TMEM108: variants seen among roughly 807,000 people sequenced by gnomAD.
TMEM108 encodes the protein transmembrane protein 108, also known as cancer/testis antigen 124.
Under a neutral mutation model 35.1 loss-of-function variants are expected in TMEM108, and 12 were observed. That is an observed-to-expected ratio of 0.34 (90% CI 0.22 to 0.55). TMEM108 has a LOEUF of 0.55. TMEM108 is among the 20% of genes least tolerant of loss of function. The pLI is 0.89. For synonymous variants in TMEM108, 287 were observed against 308.6 expected (o/e 0.93, Z 0.73); for missense variants, 680 against 753.3 (o/e 0.90, Z 1.14).
At chr3:133,184,088 G>A (rs55688467) in intron 2 of TMEM108, among the ~76,000 whole-genome samples, 4,267 of 152,216 alleles carry the variant, frequency 0.028, 83 homozygotes, top group Non-Finnish European at 0.042. Flanking sequence ...CCAGACACCG[G>A]GAGGACTGAG....
intron 3 of TMEM108, among the ~76,000 whole-genome samples, chr3:133,351,731 G>C (rs933780413): frequency 1.3e-5 from 2 of 152,144 alleles, no homozygotes; most frequent in African/African-American, 4.8e-5. Context: ...GAGGCACAAA[G>C]TGATCAAGAT....
At chr3:133,093,453 A>C (rs1943974153) in intron 2 of TMEM108, among the ~76,000 whole-genome samples, 1 of 152,202 alleles carries the variant, frequency 6.6e-6, no homozygotes, top group African/African-American at 2.4e-5. Flanking sequence ...GTGCAAACAG[A>C]AAGTCCAGAG....
intron 2 of TMEM108, among the ~76,000 whole-genome samples, chr3:133,117,933 CAG>C (rs1944307471): frequency 6.6e-6 from 1 of 152,056 alleles, no homozygotes; most frequent in Admixed American, 6.6e-5. Context: ...TGTAGGTGTC[CAG>C]AGAGGCGGGA....
chr3:133,368,469 G>A (rs1262391667), intron 3 of TMEM108, among the ~76,000 whole-genome samples: 1 of 152,114 alleles, frequency 6.6e-6, no homozygotes. Flanking sequence ...TTACCATGGC[G>A]GGAGCAATTG....
At chr3:133,314,061 T>C (rs1427886263) in intron 3 of TMEM108, among the ~76,000 whole-genome samples, 1 of 152,162 alleles carries the variant, frequency 6.6e-6, no homozygotes, top group African/African-American at 2.4e-5. Flanking sequence ...AAAACTTCTC[T>C]GATTTGATTC....
intron 3 of TMEM108, chr3:133,378,585 G>A (rs1403617121): frequency 3.1e-6 from 3 of 977,212 alleles, no homozygotes; most frequent in Admixed American, 6.2e-5. Context: ...AGGACTGTTG[G>A]CCCTTCCTCA....
chr3:133,091,930 CAG>C (rs1414159346), intron 2 of TMEM108, among the ~76,000 whole-genome samples: 1 of 152,168 alleles, frequency 6.6e-6, no homozygotes, highest in Non-Finnish European at 1.5e-5. Flanking sequence ...TTGAGCCTCT[CAG>C]AGAAAACGCA....
At chr3:133,110,513 A>G (rs1331486548) in intron 2 of TMEM108, among the ~76,000 whole-genome samples, 2 of 152,184 alleles carry the variant, frequency 1.3e-5, no homozygotes, top group African/African-American at 4.8e-5. Flanking sequence ...TGACATTTCT[A>G]GTTGGATCAG....
Position 133,040,645 on chromosome 3 carries a change from G to A in TMEM108, c.-166+2210G>A, listed in dbSNP as rs541448556. ...AAACCGCAAAGGGTATGCATTGTTT[G>A]TTTGGCCTGCGGAAGGGAGGCAGGG... On this transcript the variant is annotated intron_variant, in intron 1 of 5. Coordinates refer to ENST00000321871, the MANE Select transcript of TMEM108 (RefSeq NM_023943.4). 7.9e-5 allele frequency among the ~76,000 whole-genome samples: 12 copies of A among 152,314 alleles called. 1 individual carries two copies. The highest frequency in any genetic ancestry group is 2.9e-4 in the African/African-American group (12 of 41,564).
At chr3:133,347,022 C>T (rs2071839776) in intron 3 of TMEM108, among the ~76,000 whole-genome samples, 2 of 152,106 alleles carry the variant, frequency 1.3e-5, no homozygotes, top group African/African-American at 2.4e-5. Flanking sequence ...ATCAGTATTA[C>T]ACTGCCTTCA....
chr3:133,243,756 C>T (rs964315378), intron 3 of TMEM108, among the ~76,000 whole-genome samples: 1 of 101,520 alleles, frequency 9.9e-6, no homozygotes, highest in Admixed American at 1.2e-4. Context: ...ATCTCCTGAC[C>T]TCGTGATCCA....
intron 1 of TMEM108, among the ~76,000 whole-genome samples, chr3:133,044,961 C>CAT (rs1943317621): frequency 7.0e-6 from 1 of 142,828 alleles, no homozygotes; most frequent in Non-Finnish European, 1.5e-5. Flanking sequence ...TGAAGTGCTG[C>CAT]TTTTTTTTTT....
intron 2 of TMEM108, among the ~76,000 whole-genome samples, chr3:133,102,308 A>C (rs1415002430): frequency 3.3e-5 from 5 of 152,282 alleles, no homozygotes; most frequent in South Asian, 4.2e-4. Flanking sequence ...CAGTGAAAGA[A>C]GTTTCTGTTG....
At chr3:133,391,926 C>G (rs1196772646) in intron 5 of TMEM108, among the ~76,000 whole-genome samples, 3 of 152,166 alleles carry the variant, frequency 2.0e-5, no homozygotes, top group African/African-American at 7.2e-5. Context: ...ACCCCTCTCC[C>G]CTACTTGAGT....
chr3:133,260,141 G>T (rs1422984303), intron 3 of TMEM108, among the ~76,000 whole-genome samples: 1 of 152,150 alleles, frequency 6.6e-6, no homozygotes, highest in Non-Finnish European at 1.5e-5. Flanking sequence ...CTGCTCACCT[G>T]TGACTGTTTG....
intron 3 of TMEM108, among the ~76,000 whole-genome samples, chr3:133,352,607 T>A (rs1489650449): frequency 6.6e-6 from 1 of 152,198 alleles, no homozygotes; most frequent in East Asian, 1.9e-4. Context: ...CTTGAACAGC[T>A]TACAGAATTC....
chr3:133,143,519 A>G (rs1324079829), intron 2 of TMEM108, among the ~76,000 whole-genome samples: 3 of 152,288 alleles, frequency 2.0e-5, no homozygotes, highest in South Asian at 4.1e-4. Flanking sequence ...CTTATGAAGC[A>G]TAAGAGTTTG....
chr3:133,115,611 CCT>C (rs1944278865), intron 2 of TMEM108, among the ~76,000 whole-genome samples: 1 of 152,220 alleles, frequency 6.6e-6, no homozygotes, highest in African/African-American at 2.4e-5. Context: ...GTTAGCCATG[CCT>C]CTCTCACTGA....
At position 133,057,431 on chromosome 3, in the gene TMEM108, GTGTGTATATATATA is replaced by G. The variant is rs1190225318; in HGVS notation, c.-47+11413_-47+11426del. Among the ~76,000 whole-genome samples, 218 of 42,416 alleles carry G rather than the reference GTGTGTATATATATA, an allele frequency of 5.1e-3. 2 individuals are homozygous for G. The highest frequency in any genetic ancestry group is 0.015 in the East Asian group (33 of 2,204). The allele number at this position is 42,416 out of a possible 152,430, so 27.8% of individuals were successfully genotyped here. On this transcript the variant is annotated intron_variant, in intron 2 of 5. Coordinates refer to ENST00000321871, the MANE Select transcript of TMEM108 (RefSeq NM_023943.4). ...AATATGGGCTATTAGTTGTGTGTGT[GTGTGTATATATATA>G]TATATATATATATATATATATATAT...
Sources: allele counts gnomAD v4.1 joint callset (sites outside exome capture counted in the v4.1 genomes callset), GRCh38; gene constraint gnomAD v4.1.1; transcripts MANE v1.5; gene names NCBI Gene and HGNC (gene_info 2026-07-23, HGNC 2026-07-21).